Variants in IGSF10 observed in about 807,000 individuals in gnomAD.
IGSF10 encodes calvaria mechanical force protein 608.
A neutral mutation model predicts 128.2 loss-of-function variants in IGSF10; 126 were observed. That is an observed-to-expected ratio of 0.98 (90% CI 0.85 to 1.14). The LOEUF is 1.14. Ranked by LOEUF, IGSF10 falls within the 50% of genes most tolerant of loss-of-function variation. The pLI is 0.00. For synonymous variants in IGSF10, 1,185 were observed against 1,146.2 expected, an observed-to-expected ratio of 1.03 and a Z score of -0.68; for missense variants, 3,295 against 3,149.8, an observed-to-expected ratio of 1.05 and a Z score of -1.10.
At chr3:151,597,369 G>C in the IGSF10 span, among the ~76,000 whole-genome samples, 1 of 152,190 alleles carries the variant, frequency 6.6e-6, no homozygotes, top group Non-Finnish European at 1.5e-5. Flanking sequence ...AAAGGGGCTT[G>C]GTTGCTCTGG....
At chr3:151,599,592 T>C in the IGSF10 span, among the ~76,000 whole-genome samples, 4 of 152,160 alleles carry the variant, frequency 2.6e-5, no homozygotes, top group Non-Finnish European at 5.9e-5. Context: ...TAAAAGCTTT[T>C]ACAAATTTTC....
chr3:151,589,749 CCCTAAATGA>C, the IGSF10 span, among the ~76,000 whole-genome samples: 2 of 152,120 alleles, frequency 1.3e-5, no homozygotes, highest in Non-Finnish European at 2.9e-5. Context: ...TGCAAATGAA[CCCTAAATGA>C]CTCTGCAGGG....
chr3:151,453,861 G>T, intron 4 of IGSF10, 87 bp from the exon 5 acceptor site: 1 of 802,232 alleles, frequency 1.2e-6, no homozygotes, highest in Non-Finnish European at 2.0e-6. Context: ...AACTTATGTT[G>T]AAATTAATTC....
intron 2 of IGSF10, among the ~76,000 whole-genome samples, chr3:151,460,006 G>A (rs901332594): frequency 1.3e-5 from 2 of 152,132 alleles, no homozygotes; most frequent in South Asian, 2.1e-4. Context: ...TTTTGCCATC[G>A]TAACCACCTG....
the IGSF10 span, among the ~76,000 whole-genome samples, chr3:151,506,891 T>G: frequency 1.2e-4 from 18 of 152,348 alleles, no homozygotes; most frequent in African/African-American, 4.3e-4. Context: ...TCTGCTTCTA[T>G]GTATTTGTAT....
At chr3:151,465,390 T>C (rs1228363326), upstream of IGSF10, among the ~76,000 whole-genome samples, 3 of 152,210 alleles carry the variant, frequency 2.0e-5, no homozygotes, top group African/African-American at 7.2e-5. Context: ...CTCTGCTGAC[T>C]TTAGTTTTGT....
the IGSF10 span, among the ~76,000 whole-genome samples, chr3:151,550,742 T>C: frequency 6.6e-6 from 1 of 152,166 alleles, no homozygotes; most frequent in Non-Finnish European, 1.5e-5. Context: ...TCTGACCATC[T>C]CTGGCTTCAT....
At chr3:151,533,635 C>A in the IGSF10 span, among the ~76,000 whole-genome samples, 5 of 152,164 alleles carry the variant, frequency 3.3e-5, no homozygotes, top group Non-Finnish European at 7.3e-5. Context: ...CTTCCTTACA[C>A]CTTATACAAA....
the IGSF10 span, among the ~76,000 whole-genome samples, chr3:151,619,177 T>C: frequency 6.6e-6 from 1 of 152,152 alleles, no homozygotes; most frequent in Non-Finnish European, 1.5e-5. Flanking sequence ...AGATCTCACA[T>C]GTAGTCATCA....
the IGSF10 span, among the ~76,000 whole-genome samples, chr3:151,520,818 T>C: frequency 6.6e-6 from 1 of 151,612 alleles, no homozygotes; most frequent in African/African-American, 2.4e-5. Flanking sequence ...GCAACCACAT[T>C]AACAAGCCAA....
chr3:151,474,199 C>A, the IGSF10 span, among the ~76,000 whole-genome samples: 2 of 152,088 alleles, frequency 1.3e-5, no homozygotes, highest in Admixed American at 6.5e-5. Context: ...TGAAGGCATA[C>A]GTTTGGTGTT....
the IGSF10 span, among the ~76,000 whole-genome samples, chr3:151,572,467 G>A: frequency 6.6e-6 from 1 of 152,128 alleles, no homozygotes; most frequent in Non-Finnish European, 1.5e-5. Flanking sequence ...ATGTGTCCAG[G>A]AATTTATTCA....
At position 151,438,320 on chromosome 3, in the gene IGSF10, T is replaced by A; in HGVS notation, c.6241A>T (p.Asn2081Tyr). The change falls in exon 8 of 8, where the codon AAC becomes TAC. Residue 2081 changes from asparagine to tyrosine, a missense_variant. Asn to Tyr is a moderately radical substitution (Grantham distance 143). Transcript: ENST00000282466. Reference sequence around the variant, plus strand: ...CTGTCATCGGCTTGCATTGCATTGTTGATCATGGTTCCATCAGGCAAACTC... The same window carrying A: ...CTGTCATCGGCTTGCATTGCATTGTAGATCATGGTTCCATCAGGCAAACTC... ...SWSLPDGTMI[N>Y]NAMQADDSGH... The A allele has an allele frequency of 6.2e-7, 1 of 1,614,216 alleles. No homozygotes were observed. Among genetic ancestry groups the A allele is most frequent in the South Asian group, 1.1e-5 (1 of 91,078 alleles).
chr3:151,613,902 G>C, the IGSF10 span, among the ~76,000 whole-genome samples: 1 of 152,132 alleles, frequency 6.6e-6, no homozygotes, highest in African/African-American at 2.4e-5. Flanking sequence ...TACAGAATGG[G>C]AGAAAATTTT....
Position 151,460,956 on chromosome 3 carries a change from T to G in IGSF10, c.-99A>C, listed in dbSNP as rs762629389. ...GGCCGAGGCGCTCACCTGTTTGCCC[T>G]GGTGACCAATGGGCTCGAGCTGCCC... On this transcript the variant is annotated 5_prime_UTR_variant, in exon 1 of 8. Coordinates refer to ENST00000282466, the MANE Select transcript of IGSF10 (RefSeq NM_178822.5). 1.0e-6 allele frequency: 1 copy of G among 985,376 alleles called. No individual in the cohort carries two copies. The highest frequency in any genetic ancestry group is 1.2e-6 in the Non-Finnish European group (1 of 829,914). The allele number at this position is 985,376 out of a possible 1,614,324, so 61.0% of individuals were successfully genotyped here. A position where few individuals can be genotyped will look rare whatever the true frequency, so the allele number is the denominator to read the frequency against.
At chr3:151,485,809 CAT>C in the IGSF10 span, among the ~76,000 whole-genome samples, 1 of 152,138 alleles carries the variant, frequency 6.6e-6, no homozygotes, top group African/African-American at 2.4e-5. Flanking sequence ...AAGCACTAAA[CAT>C]AGAAAGGATC....
At chr3:151,567,194 A>G in the IGSF10 span, among the ~76,000 whole-genome samples, 1 of 152,132 alleles carries the variant, frequency 6.6e-6, no homozygotes, top group Non-Finnish European at 1.5e-5. Context: ...AGAGAGAGAA[A>G]CTTCTATCTT....
At chr3:151,584,113 A>T in the IGSF10 span, among the ~76,000 whole-genome samples, 1 of 152,178 alleles carries the variant, frequency 6.6e-6, no homozygotes, top group South Asian at 2.1e-4. Context: ...TTGTTTTTAC[A>T]TATTGTGAAA....
Position 151,437,036 on chromosome 3 carries a change from G to A in IGSF10, c.7525C>T (p.Gln2509Ter), listed in dbSNP as rs1222679740. 2 of 1,614,176 alleles carry A rather than the reference G, an allele frequency of 1.2e-6. No individual in the cohort carries two copies. Among genetic ancestry groups the A allele is most frequent in the South Asian group, 1.1e-5 (1 of 91,072 alleles). The part of the protein sequence containing the change: ...YDRGNYICKA[Q>*]NSVGHTLITV... ...ATCAGTGTATGACCAACACTATTTT[G>A]AGCCTTACAGATATAGTTTCCTCTG... The change falls in exon 8 of 8, where the codon CAA (glutamine) becomes TAA (stop). Residue 2509 changes from glutamine to a stop codon, truncating the protein, a stop_gained. Transcript: ENST00000282466. LOFTEE classifies it low-confidence loss of function (END_TRUNC).
Sources: gnomAD v4.1 joint callset for allele counts (sites outside exome capture counted in the v4.1 genomes callset) on GRCh38, gnomAD v4.1.1 for gene constraint, MANE v1.5 for transcripts, NCBI Gene and HGNC (gene_info 2026-07-23, HGNC 2026-07-21) for gene names.